Variants in TLN2 observed in about 807,000 individuals in gnomAD.
TLN2 encodes the protein talin-2.
Under a neutral mutation model 294.7 loss-of-function variants are expected in TLN2, and 118 were observed. That is an observed-to-expected ratio of 0.40 (90% CI 0.34 to 0.47). The LOEUF is 0.47. TLN2 is among the 20% of genes least tolerant of loss of function. The probability of loss-of-function intolerance (pLI) is 0.84; values close to 1 mark genes in which losing one functional copy is unlikely to be tolerated. For synonymous variants in TLN2, 1,431 were observed against 1,304.5 expected (o/e 1.10, Z -2.09); for missense variants, 3,083 against 3,282.2 (o/e 0.94, Z 1.48).
chr15:62,673,588 A>G (rs1431490002), intron 9 of TLN2, among the ~76,000 whole-genome samples: 1 of 145,796 alleles, frequency 6.9e-6, no homozygotes, highest in Non-Finnish European at 1.5e-5. Context: ...TTCACTTTAC[A>G]ATAGATCCTG....
chr15:62,788,887 C>T (rs2064884377), intron 45 of TLN2, among the ~76,000 whole-genome samples: 1 of 152,170 alleles, frequency 6.6e-6, no homozygotes, highest in African/African-American at 2.4e-5. Context: ...CAGAATGGGA[C>T]ATAGCTTCTG....
intron 1 of TLN2, among the ~76,000 whole-genome samples, chr15:62,488,900 C>T (rs141698578): frequency 1.7e-3 from 257 of 152,278 alleles, no homozygotes; most frequent in African/African-American, 6.0e-3. Context: ...CAGTGGCTCA[C>T]GCCTGTAATC....
chr15:62,728,287 C>T (rs945375038), intron 28 of TLN2, among the ~76,000 whole-genome samples: 1 of 152,196 alleles, frequency 6.6e-6, no homozygotes, highest in African/African-American at 2.4e-5. Context: ...TAGTGAGACT[C>T]ATCTGTGGTA....
chr15:62,667,459 C>G (rs1049864985), intron 9 of TLN2, among the ~76,000 whole-genome samples: 1 of 152,198 alleles, frequency 6.6e-6, no homozygotes, highest in Non-Finnish European at 1.5e-5. Flanking sequence ...TCCACCATCC[C>G]TCCCCTCTGT....
At chr15:62,648,148 T>C (rs982746264) in intron 4 of TLN2, among the ~76,000 whole-genome samples, 9 of 152,102 alleles carry the variant, frequency 5.9e-5, no homozygotes, top group Non-Finnish European at 1.2e-4. Context: ...AGGCCAAGCA[T>C]GGTGGCTCAC....
intron 1 of TLN2, among the ~76,000 whole-genome samples, chr15:62,510,954 C>T (rs2039901103): frequency 6.6e-6 from 1 of 152,166 alleles, no homozygotes; most frequent in Non-Finnish European, 1.5e-5. Context: ...GTCCTTTGGC[C>T]CCAAGTACAA....
chr15:62,751,705 T>G (rs1290116348), intron 34 of TLN2, among the ~76,000 whole-genome samples: 1 of 152,236 alleles, frequency 6.6e-6, no homozygotes, highest in Non-Finnish European at 1.5e-5. Flanking sequence ...CCTGCCCATG[T>G]GACCTTCACT....
intron 1 of TLN2, among the ~76,000 whole-genome samples, chr15:62,460,211 C>T (rs542822246): frequency 6.7e-4 from 101 of 151,476 alleles, no homozygotes; most frequent in South Asian, 3.6e-3. Flanking sequence ...GTTTCAGCTT[C>T]GGGGTGCATT....
intron 3 of TLN2, among the ~76,000 whole-genome samples, chr15:62,642,132 A>G (rs1483274047): frequency 1.3e-5 from 2 of 152,260 alleles, no homozygotes; most frequent in African/African-American, 4.8e-5. Flanking sequence ...CACACATACA[A>G]TGAGGGCAGA....
chr15:62,730,491 T>C (rs1457991204), intron 28 of TLN2, among the ~76,000 whole-genome samples: 1 of 152,210 alleles, frequency 6.6e-6, no homozygotes, highest in Non-Finnish European at 1.5e-5. Flanking sequence ...TTAGGGATCA[T>C]TTCTCTTCTA....
At chr15:62,764,568 T>C (rs910974400) in intron 40 of TLN2, among the ~76,000 whole-genome samples, 2 of 152,202 alleles carry the variant, frequency 1.3e-5, no homozygotes, top group African/African-American at 4.8e-5. Context: ...GGATCTGTTA[T>C]TAAAGTCCGT....
Position 62,819,549 on chromosome 15 carries a change from C to T in TLN2, c.6805C>T (p.Gln2269Ter). Residue 2269 changes from glutamine to a stop codon, truncating the protein, a stop_gained, in exon 53 of 59, where the codon CAG becomes TAG. Coordinates refer to ENST00000636159, the MANE Select transcript of TLN2 (RefSeq NM_015059.3). LOFTEE classifies it high-confidence loss of function. ...GAAACCAACCCCAGAATTCAAGCAG[C>T]AGCTGGCCGCTTTCTCCAAGCGAGT... Reference protein sequence around the residue: ...LQKPTPEFKQQLAAFSKRVAG... With the variant: ...LQKPTPEFKQ 1 of 1,614,036 alleles carries T rather than the reference C, an allele frequency of 6.2e-7. No individual in the cohort carries two copies. Among genetic ancestry groups the T allele is most frequent in the Non-Finnish European group, 8.5e-7 (1 of 1,180,030 alleles).
chr15:62,473,429 A>T (rs1332917556), intron 1 of TLN2, among the ~76,000 whole-genome samples: 3 of 152,176 alleles, frequency 2.0e-5, no homozygotes, highest in Non-Finnish European at 4.4e-5. Flanking sequence ...AGTAACATGA[A>T]CATCTGCGGA....
intron 32 of TLN2, among the ~76,000 whole-genome samples, chr15:62,746,059 G>A (rs760982775): frequency 6.6e-6 from 1 of 152,108 alleles, no homozygotes; most frequent in South Asian, 2.1e-4. Flanking sequence ...AAGAGTTGAG[G>A]AAAACTGGCG....
At chr15:62,666,243 G>C (rs80012259) in intron 9 of TLN2, among the ~76,000 whole-genome samples, 3,829 of 152,244 alleles carry the variant, frequency 0.025, 52 homozygotes, top group African/African-American at 0.038. Flanking sequence ...TGGTTTGAAT[G>C]TGTTCTCTCC....
intron 7 of TLN2, among the ~76,000 whole-genome samples, chr15:62,655,243 T>C (rs2053076831): frequency 6.6e-6 from 1 of 152,128 alleles, no homozygotes; most frequent in Admixed American, 6.5e-5. Context: ...GAGACGCTGG[T>C]GATAAGGACT....
intron 1 of TLN2, among the ~76,000 whole-genome samples, chr15:62,580,394 C>T (rs1411519658): frequency 1.3e-5 from 2 of 149,548 alleles, no homozygotes; most frequent in Non-Finnish European, 3.0e-5. Flanking sequence ...CTCTCTTCTC[C>T]CCTCTCTACC....
At chr15:62,624,860 GA>G (rs1417656702) in intron 3 of TLN2, among the ~76,000 whole-genome samples, 2 of 152,106 alleles carry the variant, frequency 1.3e-5, no homozygotes, top group Non-Finnish European at 2.9e-5. Flanking sequence ...GACCAAATAA[GA>G]AAAAAACAAT....
chr15:62,553,232 A>G (rs1038815300), intron 1 of TLN2, among the ~76,000 whole-genome samples: 1 of 152,084 alleles, frequency 6.6e-6, no homozygotes, highest in Non-Finnish European at 1.5e-5. Flanking sequence ...ACAGTGGCTC[A>G]CTCCTGTAAT....
Sources: gnomAD v4.1 joint callset for allele counts (sites outside exome capture counted in the v4.1 genomes callset) on GRCh38, gnomAD v4.1.1 for gene constraint, MANE v1.5 for transcripts, NCBI Gene and HGNC (gene_info 2026-07-23, HGNC 2026-07-21) for gene names.